BANP: variants seen among roughly 807,000 people sequenced by gnomAD.
BANP encodes BTG3 associated nuclear protein.
BANP carries 11 observed loss-of-function variants against 68.1 expected under a neutral mutation model. That is an observed-to-expected ratio of 0.16 (90% CI 0.10 to 0.27). The LOEUF is 0.27. Among genes scored for constraint, BANP ranks in the 10% least tolerant of loss-of-function variants. The pLI, the probability that BANP is intolerant of heterozygous loss-of-function variation, is 1.00. For missense variants in BANP, 504 were observed against 722.7 expected, an observed-to-expected ratio of 0.70 and a Z score of 3.47; for synonymous variants, 329 against 303.2, an observed-to-expected ratio of 1.09 and a Z score of -0.88.
Position 88,036,325 on chromosome 16 carries a change from G to C in BANP, c.1272+931G>C, listed in dbSNP as rs1234444369. 8.5e-5 allele frequency among the ~76,000 whole-genome samples: 13 copies of C among 152,340 alleles called. No homozygotes were observed. In the South Asian group the frequency reaches 2.7e-3, roughly 32 times the overall value. On this transcript the variant is annotated intron_variant, in intron 10 of 13. Coordinates refer to ENST00000682872, the MANE Select transcript of BANP (RefSeq NM_001386991.1). The surrounding 1 kb of genome is among the most constrained non-coding windows in gnomAD (Gnocchi z 4.2). ...GCAGCAGAGACTAGGAAGCCCGGGTGCTGAGGTCAAGGGGACTCATGGAGA... is the reference window on the plus strand; with the variant it reads ...GCAGCAGAGACTAGGAAGCCCGGGTCCTGAGGTCAAGGGGACTCATGGAGA...
At chr16:88,038,845 A>T (rs1338296507) in intron 11 of BANP, among the ~76,000 whole-genome samples, 2 of 152,166 alleles carry the variant, frequency 1.3e-5, no homozygotes, top group East Asian at 1.9e-4. Flanking sequence ...TGATCTTCCC[A>T]TTTCATAAAA....
intron 1 of BANP, chr16:87,969,899 GTTGA>G: frequency 7.3e-6 from 1 of 137,386 alleles, no homozygotes; most frequent in African/African-American, 2.8e-5. Flanking sequence ...TTTTGATTAG[GTTGA>G]TTGGTCTTTT....
At chr16:88,043,567 G>A (rs367753028) in intron 11 of BANP, among the ~76,000 whole-genome samples, 8 of 152,174 alleles carry the variant, frequency 5.3e-5, no homozygotes, top group Admixed American at 1.3e-4. Context: ...GTAGAAATTC[G>A]GAATGATTTA....
intron 1 of BANP, chr16:87,952,740 T>C (rs1003843046): frequency 6.6e-6 from 1 of 152,242 alleles, no homozygotes; most frequent in Non-Finnish European, 1.5e-5. Flanking sequence ...TAAGAATATA[T>C]TCTTGCGATG....
chr16:88,055,884 T>C (rs1032331847), intron 11 of BANP, among the ~76,000 whole-genome samples: 1 of 152,228 alleles, frequency 6.6e-6, no homozygotes, highest in Non-Finnish European at 1.5e-5. Context: ...TAATCTCTTA[T>C]GGAGAAGCCT....
At chr16:88,032,742 G>A (rs1310616976) in intron 8 of BANP, among the ~76,000 whole-genome samples, 3 of 152,188 alleles carry the variant, frequency 2.0e-5, no homozygotes, top group Non-Finnish European at 2.9e-5. Flanking sequence ...TTAAGTGTGC[G>A]GATGAGACTT....
chr16:88,061,063 G>T (rs1012198711), intron 11 of BANP, among the ~76,000 whole-genome samples: 1 of 152,158 alleles, frequency 6.6e-6, no homozygotes, highest in South Asian at 2.1e-4. Flanking sequence ...GCAAGCACCC[G>T]CAGGCCTCCA....
chr16:87,962,233 T>G (rs2059294603), intron 1 of BANP, among the ~76,000 whole-genome samples: 2 of 54,382 alleles, frequency 3.7e-5, no homozygotes, highest in Non-Finnish European at 1.0e-4. Context: ...GAGCGAGACT[T>G]GGTCTCAAAA....
chr16:87,967,795 G>C (rs541210227), intron 1 of BANP, among the ~76,000 whole-genome samples: 64 of 152,118 alleles, frequency 4.2e-4, no homozygotes, highest in South Asian at 1.9e-3. Context: ...GCTAATTTTT[G>C]TATTTTTAGT....
chr16:88,018,472 G>A lies in BANP; in HGVS notation c.700G>A (p.Glu234Lys). 1 of 1,613,318 alleles carries A rather than the reference G, an allele frequency of 6.2e-7. No homozygotes were observed. The highest frequency in any genetic ancestry group is 8.5e-7 in the Non-Finnish European group (1 of 1,179,936). Residue 234 changes from glutamate to lysine, a missense_variant, in exon 7 of 14, where the codon GAG (glutamate) becomes AAG (lysine). Coordinates refer to ENST00000682872, the MANE Select transcript of BANP (RefSeq NM_001386991.1). This position sits in a 1 kb window ranked among gnomAD's most constrained non-coding sequence, Gnocchi z 7.7. ...CTGGCTGGGCGACGAGAACAACCCC[G>A]AGATGCGGGTACGCTGCGCCATCAT... ...GTWLGDENNPEMRVRCAIIPS... is the reference protein window; with the variant it reads ...GTWLGDENNPKMRVRCAIIPS...
chr16:88,013,542 G>T (rs1189394698), intron 6 of BANP, among the ~76,000 whole-genome samples: 1 of 152,148 alleles, frequency 6.6e-6, no homozygotes, highest in African/African-American at 2.4e-5. Flanking sequence ...GATGGGACGG[G>T]CTCTCTCTCA....
chr16:87,973,168 C>T (rs576230832), intron 1 of BANP, among the ~76,000 whole-genome samples: 2 of 152,152 alleles, frequency 1.3e-5, no homozygotes, highest in South Asian at 2.1e-4. Context: ...ACATCTGTCT[C>T]ATTCCGTCTT....
In BANP at chr16:87,981,142, CTG is replaced by C. The variant is rs777168042; in HGVS notation, c.162+17_162+18del. The C allele has an allele frequency of 1.9e-6, 3 of 1,594,510 alleles. No individual in the cohort carries two copies. The highest frequency in any genetic ancestry group is 1.1e-5 in the South Asian group (1 of 90,694). Reference sequence around the variant, plus strand: ...CATCTATAAAGGTAAAAATCTGACTCTGTTCTGTGGTGTGTAGTGCGTTGCAG... The same window carrying C: ...CATCTATAAAGGTAAAAATCTGACTCTTCTGTGGTGTGTAGTGCGTTGCAG... On this transcript the variant is annotated intron_variant, in intron 3 of 13. Transcript: ENST00000682872.
intron 4 of BANP, among the ~76,000 whole-genome samples, chr16:87,987,039 TC>T (rs748266353): frequency 7.2e-5 from 11 of 152,314 alleles, no homozygotes; most frequent in Non-Finnish European, 1.2e-4. Flanking sequence ...CTATTTAAAA[TC>T]CTATTTAAAA....
At position 88,060,928 on chromosome 16, in the gene BANP, G is replaced by A. The variant is rs1306540068; in HGVS notation, c.1312-4339G>A. 3.3e-5 allele frequency among the ~76,000 whole-genome samples: 4 copies of A among 121,328 alleles called. No homozygotes were observed. In the South Asian group the frequency reaches 8.7e-4, roughly 26 times the overall value. 79.6% of individuals were successfully genotyped at this position (121,328 alleles called of 152,430 possible). Reference sequence around the variant, plus strand: ...TCCATGGGGGAGCGCCACAGGCCTCGGGGTGACTTTGGTTGTGTTCTTAAA... The same window carrying A: ...TCCATGGGGGAGCGCCACAGGCCTCAGGGTGACTTTGGTTGTGTTCTTAAA... On this transcript the variant is annotated intron_variant, in intron 11 of 13. Transcript: ENST00000682872.
At chr16:87,953,667 G>T (rs370215408) in intron 1 of BANP, among the ~76,000 whole-genome samples, 1 of 152,148 alleles carries the variant, frequency 6.6e-6, no homozygotes, top group Non-Finnish European at 1.5e-5. Context: ...CCTGTACAGC[G>T]TGGATTTTTC....
intron 8 of BANP, among the ~76,000 whole-genome samples, chr16:88,029,272 A>G (rs1440937560): frequency 7.2e-6 from 1 of 138,828 alleles, no homozygotes; most frequent in Non-Finnish European, 1.5e-5. Flanking sequence ...ATGCCACCAC[A>G]CTGTAGCCTG....
At chr16:88,074,615 C>G (rs916650642) in intron 13 of BANP, among the ~76,000 whole-genome samples, 3 of 152,152 alleles carry the variant, frequency 2.0e-5, no homozygotes, top group Non-Finnish European at 2.9e-5. Flanking sequence ...CTGTGCCCCA[C>G]TGTCCCCACC....
chr16:87,964,534 G>C (rs2145167126), intron 1 of BANP, among the ~76,000 whole-genome samples: 1 of 152,380 alleles, frequency 6.6e-6, no homozygotes, highest in East Asian at 1.9e-4. Context: ...CAAATGCAGG[G>C]GCCGAGTGAG....
Sources: gnomAD v4.1 joint callset for allele counts (sites outside exome capture counted in the v4.1 genomes callset) on GRCh38, gnomAD v4.1.1 for gene constraint, Gnocchi (gnomAD v3.1) non-coding constraint, MANE v1.5 for transcripts, NCBI Gene and HGNC (gene_info 2026-07-23, HGNC 2026-07-21) for gene names.